Variants in PHKA1 observed in about 807,000 individuals in gnomAD.
The protein encoded by PHKA1 is phosphorylase kinase regulatory subunit alpha 1, also known as phosphorylase b kinase regulatory subunit alpha, skeletal muscle isoform.
PHKA1 carries 60 observed loss-of-function variants against 110.2 expected under a neutral mutation model. That is an observed-to-expected ratio of 0.54 (90% CI 0.44 to 0.68). The LOEUF is 0.68. Among genes scored for constraint, PHKA1 ranks in the 30% least tolerant of loss-of-function variants. PHKA1 has a pLI of 0.00. For synonymous variants in PHKA1, 316 were observed against 333.6 expected (o/e 0.95, Z 0.58); for missense variants, 801 against 942.5 (o/e 0.85, Z 1.97).
intron 5 of PHKA1, among the ~76,000 whole-genome samples, chrX:72,681,385 G>A (rs1282656809): frequency 8.9e-5 from 10 of 112,592 alleles, no homozygotes; most frequent in African/African-American, 2.9e-4. Flanking sequence ...CCCCATCTGG[G>A]AGGGAGGTGG....
At chrX:72,636,907 T>C (rs185464758) in intron 14 of PHKA1, among the ~76,000 whole-genome samples, 2 of 111,833 alleles carry the variant, frequency 1.8e-5, no homozygotes, top group East Asian at 2.8e-4. Context: ...GTTGCTTTAC[T>C]CTTAGGGGGC....
intron 14 of PHKA1, among the ~76,000 whole-genome samples, chrX:72,639,178 G>A (rs2053265323): frequency 8.9e-6 from 1 of 112,024 alleles, no homozygotes; most frequent in Non-Finnish European, 1.9e-5. Context: ...TGCCACCACA[G>A]ATTATAATGT....
intron 29 of PHKA1, among the ~76,000 whole-genome samples, chrX:72,588,117 A>G (rs1293808306): frequency 2.7e-5 from 3 of 112,043 alleles, no homozygotes; most frequent in African/African-American, 9.7e-5. Context: ...ACCCCAAACC[A>G]ACGGAATATA....
intron 7 of PHKA1, among the ~76,000 whole-genome samples, chrX:72,666,687 C>T (rs1407611363): frequency 8.9e-6 from 1 of 111,884 alleles, no homozygotes; most frequent in East Asian, 2.8e-4. Context: ...GCTCCATTAG[C>T]AACTACTTAA....
intron 17 of PHKA1, among the ~76,000 whole-genome samples, chrX:72,626,556 C>T (rs2147717954): frequency 9.0e-6 from 1 of 111,149 alleles, no homozygotes; most frequent in East Asian, 2.8e-4. Flanking sequence ...TTAGCCCCCG[C>T]TTACTCCTGC....
At position 72,624,484 on chromosome X, in the gene PHKA1, A is replaced by C. The variant is rs782106096; in HGVS notation, c.1794-1209T>G. ...CAATATGCCACAGTGACCACCTCTC[A>C]GTCACAGTGTGACCTCCAGGAAGTC... On this transcript the variant is annotated intron_variant, in intron 17 of 31. Transcript: ENST00000373542. 3.6e-5 allele frequency among the ~76,000 whole-genome samples: 4 copies of C among 111,547 alleles called. No homozygotes were observed. The South Asian group carries it at 1.5e-3, about 42-fold the overall frequency.
intron 18 of PHKA1, chrX:72,621,796 G>T (rs1569432769): frequency 1.3e-6 from 1 of 749,385 alleles, no homozygotes; most frequent in Non-Finnish European, 1.6e-6. Flanking sequence ...GGATTATGAA[G>T]AATATGGAGA....
chrX:72,679,081 G>A (rs183748624), intron 5 of PHKA1, among the ~76,000 whole-genome samples: 3 of 112,010 alleles, frequency 2.7e-5, no homozygotes, highest in Non-Finnish European at 3.8e-5. Flanking sequence ...AACTACTTGA[G>A]GCTAGGGAAA....
chrX:72,669,910 T>G (rs1236247638), intron 6 of PHKA1, among the ~76,000 whole-genome samples: 1 of 110,699 alleles, frequency 9.0e-6, no homozygotes, highest in African/African-American at 3.3e-5. Flanking sequence ...ATGGGATGGC[T>G]GGGTCAAATG....
At chrX:72,588,045 T>C (rs1214569187) in intron 29 of PHKA1, among the ~76,000 whole-genome samples, 1 of 111,516 alleles carries the variant, frequency 9.0e-6, no homozygotes, top group Non-Finnish European at 1.9e-5. Context: ...TTAACAAGGA[T>C]ATCCAGGACT....
intron 25 of PHKA1, 134 bp downstream of exon 25, chrX:72,605,137 G>A (rs2052709922): frequency 1.8e-6 from 1 of 566,186 alleles, no homozygotes; most frequent in Non-Finnish European, 3.0e-6. Context: ...GTGACCAACA[G>A]GGGAACAAGG....
At chrX:72,670,974 G>A (rs1377041850) in intron 6 of PHKA1, among the ~76,000 whole-genome samples, 1 of 111,697 alleles carries the variant, frequency 9.0e-6, no homozygotes, top group African/African-American at 3.3e-5. Flanking sequence ...CCCACAGCCA[G>A]TATCATACTG....
chrX:72,633,992 TC>T (rs1333697113), intron 16 of PHKA1, among the ~76,000 whole-genome samples: 1 of 111,688 alleles, frequency 9.0e-6, no homozygotes, highest in Non-Finnish European at 1.9e-5. Flanking sequence ...ATAGTACCTT[TC>T]CTTCTGCTCT....
At chrX:72,646,100 T>C (rs1177488802) in intron 13 of PHKA1, among the ~76,000 whole-genome samples, 4 of 112,205 alleles carry the variant, frequency 3.6e-5, no homozygotes, top group African/African-American at 1.3e-4. Context: ...TGTAGCATAA[T>C]ATACCTTGCA....
chrX:72,620,873 A>ACTT lies in PHKA1; in HGVS notation c.1988_1989insAAG (p.Tyr663delinsTer), dbSNP rs1556276825. 1.7e-6 allele frequency: 2 copies of ACTT among 1,211,292 alleles called. No individual in the cohort carries two copies. Among genetic ancestry groups the ACTT allele is most frequent in the East Asian group, 5.9e-5 (2 of 33,838 alleles). On this transcript the variant is annotated stop_gained, in exon 19 of 32. Transcript: ENST00000373542. LOFTEE classifies it high-confidence loss of function. ...CAGTGTGCGCCAAAAGGTGATCTAA[A>ACTT]TAACGAGCAACTTCATCACCACAGC...
At chrX:72,586,637 C>G (rs2052434906) in intron 29 of PHKA1, among the ~76,000 whole-genome samples, 1 of 110,657 alleles carries the variant, frequency 9.0e-6, no homozygotes, top group Non-Finnish European at 1.9e-5. Flanking sequence ...CTTCTCTGAG[C>G]TAAAGGAGGA....
chrX:72,677,863 G>A (rs782611971), intron 5 of PHKA1, among the ~76,000 whole-genome samples: 7 of 110,288 alleles, frequency 6.3e-5, no homozygotes, highest in African/African-American at 2.3e-4. Flanking sequence ...ACCAGCCTGG[G>A]CAACACAGTG....
chrX:72,649,978 A>G (rs1352988867), intron 13 of PHKA1, among the ~76,000 whole-genome samples: 1 of 104,934 alleles, frequency 9.5e-6, no homozygotes, highest in African/African-American at 3.5e-5. Flanking sequence ...GGTGACAGAA[A>G]GAGACTCCCT....
chrX:72,694,429 C>T (rs1482846603), intron 4 of PHKA1, among the ~76,000 whole-genome samples: 5 of 111,915 alleles, frequency 4.5e-5, no homozygotes, highest in Non-Finnish European at 9.4e-5. Context: ...CACAGGCCCT[C>T]GAATAGCTAG....
Sources: allele counts gnomAD v4.1 joint callset (sites outside exome capture counted in the v4.1 genomes callset), GRCh38; gene constraint gnomAD v4.1.1; transcripts MANE v1.5; gene names NCBI Gene and HGNC (gene_info 2026-07-23, HGNC 2026-07-21).